Variants in HERC1 observed in about 807,000 individuals in gnomAD.
The protein encoded by HERC1 is HECT and RLD domain containing E3 ubiquitin protein ligase family member 1.
HERC1 carries 160 observed loss-of-function variants against 554.3 expected under a neutral mutation model. That is an observed-to-expected ratio of 0.29 (90% CI 0.25 to 0.33). The LOEUF is 0.33. Ranked by LOEUF, HERC1 falls within the 10% of genes least tolerant of loss-of-function variation. The pLI, the probability that HERC1 is intolerant of heterozygous loss-of-function variation, is 1.00. For synonymous variants in HERC1, 2,175 were observed against 2,131.7 expected, an observed-to-expected ratio of 1.02 and a Z score of -0.56; for missense variants, 4,919 against 5,918.5, an observed-to-expected ratio of 0.83 and a Z score of 5.54.
intron 1 of HERC1, among the ~76,000 whole-genome samples, chr15:63,818,930 G>A (rs557743260): frequency 1.8e-4 from 28 of 152,276 alleles, no homozygotes; most frequent in Non-Finnish European, 2.8e-4. Context: ...AGATATTATA[G>A]TGCTGCCATT....
rs1248410869 is a variant in HERC1, at chr15:63,749,719, T to C, written c.1975A>G (p.Ile659Val). The stretch of plus-strand genomic sequence containing the variant: ...ATTCTTGTGGCAGCCAGTTCTTCAA[T>C]AAGCTTGGGTCTCAAAGCAGTAGCT... ...SEATALRPKLIEELAATRIVD... is the reference protein window; with the variant it reads ...SEATALRPKLVEELAATRIVD... The change falls in exon 9 of 78, where the codon ATT (isoleucine) becomes GTT (valine). Residue 659 changes from isoleucine to valine, a missense_variant. Transcript: ENST00000443617. This position sits in a 1 kb window ranked among gnomAD's most constrained non-coding sequence, Gnocchi z 4.1. The C allele has an allele frequency of 1.3e-6, 2 of 1,584,588 alleles. No individual in the cohort carries two copies.
At chr15:63,613,443 A>G (rs2067687527) in intron 76 of HERC1, among the ~76,000 whole-genome samples, 1 of 152,178 alleles carries the variant, frequency 6.6e-6, no homozygotes. Flanking sequence ...ACCACTGTTC[A>G]AGGTTTGTTT....
rs1356613224 is a variant in HERC1 at position 63,615,812 on chromosome 15, C to T, written c.14050G>A (p.Val4684Met). 1.2e-5 allele frequency: 19 copies of T among 1,608,270 alleles called. No individual in the cohort carries two copies. The highest frequency in any genetic ancestry group is 1.7e-5 in the Admixed American group (1 of 58,818). ...PLTFSNRKEY[V>M]ERAIEYRLHE... ...AGTCGATATTCAATGGCCCTCTCCA[C>T]ATATTCCTTCCTGTTGGAAAATGTG... The change falls in exon 76 of 78, where the codon GTG (valine) becomes ATG (methionine). Residue 4684 changes from valine to methionine, a missense_variant. Coordinates refer to ENST00000443617, the MANE Select transcript of HERC1 (RefSeq NM_003922.4).
intron 37 of HERC1, among the ~76,000 whole-genome samples, chr15:63,676,853 G>T (rs1394718023): frequency 6.6e-6 from 1 of 152,198 alleles, no homozygotes; most frequent in Non-Finnish European, 1.5e-5. Context: ...GCAGCATAAT[G>T]AACAGTTACA....
At chr15:63,719,254 G>A (rs2073702629) in intron 19 of HERC1, among the ~76,000 whole-genome samples, 1 of 152,190 alleles carries the variant, frequency 6.6e-6, no homozygotes, top group South Asian at 2.1e-4. Context: ...AGGTGGTCTG[G>A]GAAAGTTTCT....
chr15:63,763,168 C>T (rs972584947), intron 3 of HERC1, among the ~76,000 whole-genome samples: 1 of 152,172 alleles, frequency 6.6e-6, no homozygotes, highest in African/African-American at 2.4e-5. Flanking sequence ...ATCCACCGGA[C>T]TTTGTCACCC....
At chr15:63,679,678 T>C (rs1003209551) in intron 36 of HERC1, among the ~76,000 whole-genome samples, 7 of 152,188 alleles carry the variant, frequency 4.6e-5, no homozygotes, top group Non-Finnish European at 1.0e-4. Context: ...CACCTGAAAA[T>C]TCCCCCAGCT....
Position 63,756,391 on chromosome 15 carries a change from C to T in HERC1, c.1533+46G>A. The T allele has an allele frequency of 6.9e-7, 1 of 1,455,218 alleles. No homozygotes were observed. The highest frequency in any genetic ancestry group is 9.4e-7 in the Non-Finnish European group (1 of 1,060,076). The allele number at this position is 1,455,218 out of a possible 1,614,324, so 90.1% of individuals were successfully genotyped here. A position where few individuals can be genotyped will look rare whatever the true frequency, so the allele number is the denominator to read the frequency against. On this transcript the variant is annotated intron_variant, in intron 5 of 77. Coordinates refer to ENST00000443617, the MANE Select transcript of HERC1 (RefSeq NM_003922.4). This position sits in a 1 kb window ranked among gnomAD's most constrained non-coding sequence, Gnocchi z 5.0. The stretch of plus-strand genomic sequence containing the variant: ...ATCTGAACGACATTGTCAATTACAA[C>T]TCCAATGCATCTAATTATTTTTATA...
intron 74 of HERC1, among the ~76,000 whole-genome samples, chr15:63,619,559 TC>T (rs2067977168): frequency 6.6e-6 from 1 of 152,208 alleles, no homozygotes; most frequent in African/African-American, 2.4e-5. Context: ...TGGAATAGTT[TC>T]AGAAGGAATG....
At chr15:63,763,165 G>A (rs1344306788) in intron 3 of HERC1, among the ~76,000 whole-genome samples, 3 of 151,958 alleles carry the variant, frequency 2.0e-5, no homozygotes, top group East Asian at 1.9e-4. Flanking sequence ...TGAATCCACC[G>A]GACTTTGTCA....
At chr15:63,664,672 T>C in intron 42 of HERC1, 78 bp from the exon 43 acceptor site, 2 of 1,222,314 alleles carry the variant, frequency 1.6e-6, no homozygotes, top group East Asian at 2.5e-5. Flanking sequence ...AGCTTACTTG[T>C]AGTACTACTT....
Position 63,655,915 on chromosome 15 carries a change from A to G in HERC1, c.9911T>C (p.Val3304Ala), listed in dbSNP as rs780088688. The G allele has an allele frequency of 6.2e-7, 1 of 1,613,146 alleles. No individual in the cohort carries two copies. Among genetic ancestry groups the G allele is most frequent in the Non-Finnish European group, 8.5e-7 (1 of 1,179,584 alleles). ...SAATGVNLTT[V>A]DDSIQRKFLP... The stretch of plus-strand genomic sequence containing the variant: ...AAACTTTCGCTGAATTGAGTCATCA[A>G]CTGTGGTTAGATTTACACCTGTTGC... The change falls in exon 50 of 78, where the codon GTT becomes GCT. Residue 3304 changes from valine (V) to alanine (A), a missense_variant. Coordinates refer to ENST00000443617, the MANE Select transcript of HERC1 (RefSeq NM_003922.4).
chr15:63,683,252 A>C (rs2071575465), intron 34 of HERC1, among the ~76,000 whole-genome samples: 1 of 152,144 alleles, frequency 6.6e-6, no homozygotes, highest in Non-Finnish European at 1.5e-5. Flanking sequence ...AGAAAAACAT[A>C]CTAGTGGGAC....
chr15:63,671,479 A>G (rs755918293), intron 39 of HERC1, among the ~76,000 whole-genome samples: 1 of 152,116 alleles, frequency 6.6e-6, no homozygotes, highest in Non-Finnish European at 1.5e-5. Context: ...CCAGTAAGAG[A>G]GCTAACATGT....
At chr15:63,683,107 G>A (rs1454588878) in intron 34 of HERC1, among the ~76,000 whole-genome samples, 1 of 140,942 alleles carries the variant, frequency 7.1e-6, no homozygotes, top group East Asian at 2.0e-4. Context: ...CTGCACTCCA[G>A]CCTGGGCAAC....
At chr15:63,611,946 A>G in intron 77 of HERC1, among the ~76,000 whole-genome samples, 1 of 152,214 alleles carries the variant, frequency 6.6e-6, no homozygotes. Flanking sequence ...GCACTTTGGG[A>G]GGCCAACGTG....
At chr15:63,665,618 G>A (rs1477434295) in intron 42 of HERC1, among the ~76,000 whole-genome samples, 1 of 152,096 alleles carries the variant, frequency 6.6e-6, no homozygotes, top group Non-Finnish European at 1.5e-5. Flanking sequence ...TCACTTGTAC[G>A]AGATAAAATT....
At chr15:63,790,325 T>TC (rs2076602139) in intron 1 of HERC1, among the ~76,000 whole-genome samples, 1 of 152,174 alleles carries the variant, frequency 6.6e-6, no homozygotes, top group Non-Finnish European at 1.5e-5. Context: ...ATGCCTGTAA[T>TC]CCCAGCACTT....
At chr15:63,723,497 A>C in intron 18 of HERC1, 142 bp from the exon 19 acceptor site, 2 of 619,516 alleles carry the variant, frequency 3.2e-6, no homozygotes, top group South Asian at 2.4e-5. Context: ...AAGTCCTTTA[A>C]TGTTTTTCAG....
Sources: allele counts gnomAD v4.1 joint callset (sites outside exome capture counted in the v4.1 genomes callset), GRCh38; gene constraint gnomAD v4.1.1; non-coding constraint Gnocchi (gnomAD v3.1); transcripts MANE v1.5; gene names NCBI Gene and HGNC (gene_info 2026-07-23, HGNC 2026-07-21).